Variants in GLG1 observed in about 807,000 individuals in gnomAD.
GLG1 encodes the protein Golgi apparatus protein 1.
GLG1 carries 38 observed loss-of-function variants against 160.5 expected under a neutral mutation model. The observed-to-expected ratio is 0.24, with a 90% CI of 0.18 to 0.31. The LOEUF (loss-of-function observed/expected upper bound fraction) is 0.31, where lower values mean the gene tolerates loss of function less well. Ranked by LOEUF, GLG1 falls within the 10% of genes least tolerant of loss-of-function variation. The probability of loss-of-function intolerance (pLI) is 1.00; values close to 1 mark genes in which losing one functional copy is unlikely to be tolerated. For missense variants in GLG1, 1,373 were observed against 1,505.2 expected (o/e 0.91, Z 1.45); for synonymous variants, 644 against 543.4 (o/e 1.19, Z -2.57).
chr16:74,539,413 G>C (rs545708916), intron 1 of GLG1, among the ~76,000 whole-genome samples: 1 of 151,912 alleles, frequency 6.6e-6, no homozygotes, highest in East Asian at 1.9e-4. Context: ...CATAAATATA[G>C]AACAGTGAGT....
chr16:74,516,860 A>C (rs914828075), intron 2 of GLG1, among the ~76,000 whole-genome samples: 11 of 152,170 alleles, frequency 7.2e-5, no homozygotes, highest in Non-Finnish European at 1.6e-4. Flanking sequence ...ATAAAAAATA[A>C]TAAAGGGGCT....
At chr16:74,584,034 T>G (rs982220959) in intron 1 of GLG1, among the ~76,000 whole-genome samples, 1 of 152,328 alleles carries the variant, frequency 6.6e-6, no homozygotes, top group South Asian at 2.1e-4. Flanking sequence ...GGCCCAAGTC[T>G]GTTTTGAGGT....
At chr16:74,598,616 G>A (rs1457362172) in intron 1 of GLG1, among the ~76,000 whole-genome samples, 1 of 151,934 alleles carries the variant, frequency 6.6e-6, no homozygotes, top group Admixed American at 6.6e-5. Context: ...AATAAGGCCG[G>A]GCGCGGTGGC....
rs781248538 is a variant in GLG1, at chr16:74,606,862, T to C, written c.233A>G (p.Gln78Arg). The C allele has an allele frequency of 3.8e-6, 6 of 1,597,544 alleles. No individual in the cohort carries two copies. Among genetic ancestry groups the C allele is most frequent in the Non-Finnish European group, 4.3e-6 (5 of 1,173,312 alleles). ...QSSQLQQQQQ[Q>R]QQQQQQPQPP... ...CTGAGGCTGCTGTTGCTGTTGCTGC[T>C]GCTGCTGTTGCTGCTGAAGCTGCGA... Residue 78 changes from glutamine (Q) to arginine (R), a missense_variant, in exon 1 of 26, where the codon CAG (glutamine) becomes CGG (arginine). Gln to Arg is a conservative substitution (Grantham distance 43). Coordinates refer to ENST00000422840, the MANE Select transcript of GLG1 (RefSeq NM_001145667.2).
intron 2 of GLG1, among the ~76,000 whole-genome samples, chr16:74,522,620 G>GT (rs2017203977): frequency 1.3e-5 from 2 of 152,072 alleles, no homozygotes; most frequent in South Asian, 4.2e-4. Context: ...ACTGTCAGAC[G>GT]TATGTATTAT....
chr16:74,538,059 C>T (rs903566898), intron 1 of GLG1, among the ~76,000 whole-genome samples: 1 of 151,002 alleles, frequency 6.6e-6, no homozygotes, highest in African/African-American at 2.4e-5. Flanking sequence ...AAATATGGAA[C>T]ATTCTACAGT....
intron 15 of GLG1, among the ~76,000 whole-genome samples, chr16:74,470,476 C>G (rs1444544954): frequency 7.4e-6 from 1 of 134,652 alleles, no homozygotes; most frequent in East Asian, 2.3e-4. Flanking sequence ...TTGACAGAGC[C>G]TCTCTCTTGT....
At position 74,453,144 on chromosome 16, in the gene GLG1, T is replaced by A. The variant is rs1486441720; in HGVS notation, c.*23A>T. On this transcript the variant is annotated 3_prime_UTR_variant, in exon 26 of 26. Coordinates refer to ENST00000422840, the MANE Select transcript of GLG1 (RefSeq NM_001145667.2). ...TACAAACTGGGCACTGGATAGGTAG[T>A]TCCTTTGGTGGTCAAGGTGGCTCTA... 1 of 1,611,496 alleles carries A rather than the reference T, an allele frequency of 6.2e-7. No individual in the cohort carries two copies. The highest frequency in any genetic ancestry group is 2.2e-5 in the East Asian group (1 of 44,860).
At chr16:74,585,882 A>G (rs955680569) in intron 1 of GLG1, among the ~76,000 whole-genome samples, 3 of 151,986 alleles carry the variant, frequency 2.0e-5, no homozygotes, top group Non-Finnish European at 4.4e-5. Context: ...GGCCATTATG[A>G]TAAAACCCTG....
intron 2 of GLG1, among the ~76,000 whole-genome samples, chr16:74,515,128 G>A (rs1306083598): frequency 3.9e-5 from 6 of 152,212 alleles, no homozygotes; most frequent in Admixed American, 3.9e-4. Flanking sequence ...CAATACAGGA[G>A]CACCCAGATT....
intron 5 of GLG1, among the ~76,000 whole-genome samples, chr16:74,495,489 G>T (rs1193981313): frequency 6.6e-6 from 1 of 152,160 alleles, no homozygotes. Flanking sequence ...GGTTAAAGCT[G>T]TTAATGCAAA....
rs1567481229 is a variant in GLG1 at position 74,496,444 on chromosome 16, T to A, written c.975A>T (p.Glu325Asp). The change falls in exon 5 of 26, where the codon GAA becomes GAT. Residue 325 changes from glutamate (E) to aspartate (D), a missense_variant. Coordinates refer to ENST00000422840, the MANE Select transcript of GLG1 (RefSeq NM_001145667.2). ...ACRDDRERFC[E>D]NTQAGEGRVY... ...AACAGTTTCTGAGCTGACTCACATT[T>A]TCACAAAAACGCTCCCGATCATCTC... 5.6e-6 allele frequency: 9 copies of A among 1,608,202 alleles called. No homozygotes were observed. Among genetic ancestry groups the A allele is most frequent in the Non-Finnish European group, 7.7e-6 (9 of 1,174,714 alleles).
At chr16:74,552,387 T>A in intron 1 of GLG1, 2 of 584,470 alleles carry the variant, frequency 3.4e-6, no homozygotes, top group Non-Finnish European at 6.7e-6. Context: ...AACCTTCACA[T>A]CATGAAGGCC....
chr16:74,593,790 T>G (rs1014234282), intron 1 of GLG1, among the ~76,000 whole-genome samples: 1 of 152,180 alleles, frequency 6.6e-6, no homozygotes, highest in Non-Finnish European at 1.5e-5. Context: ...TTAAAACTTG[T>G]ATTTCAATTG....
rs574279809 is a variant in GLG1 at position 74,572,635 on chromosome 16, C to G, written c.438+34022G>C. ...CCTGCCTGGAGAGGGCATAGAAGCT[C>G]CTTGCCCCTTCTCCCATACCTCGCC... On this transcript the variant is annotated intron_variant, in intron 1 of 25. Coordinates refer to ENST00000422840, the MANE Select transcript of GLG1 (RefSeq NM_001145667.2). 6.8e-4 allele frequency among the ~76,000 whole-genome samples: 104 copies of G among 152,320 alleles called. 2 individuals are homozygous for G. In the South Asian group the frequency reaches 0.021, roughly 30 times the overall value.
Position 74,453,160 on chromosome 16 carries a change from G to C in GLG1, c.*7C>G, listed in dbSNP as rs748393784. The C allele has an allele frequency of 3.1e-6, 5 of 1,613,168 alleles. No homozygotes were observed. Among genetic ancestry groups the C allele is most frequent in the Admixed American group, 1.7e-5 (1 of 59,936 alleles). On this transcript the variant is annotated 3_prime_UTR_variant, in exon 26 of 26. Transcript: ENST00000422840. ...GATAGGTAGTTCCTTTGGTGGTCAA[G>C]GTGGCTCTACCTGTCCTTGAGCTCT...
rs1461717102 is a variant in GLG1, at chr16:74,449,362, C to T, written c.*3805G>A. On this transcript the variant is annotated 3_prime_UTR_variant, in exon 26 of 26. Transcript: ENST00000422840. ...CTGGAGGATGGGAGGATAGGAGACA[C>T]TTCCAGAAGCCACACTGACATAAGA... The T allele has an allele frequency of 1.3e-5, 2 of 152,182 alleles. No individual in the cohort carries two copies. Among genetic ancestry groups the T allele is most frequent in the Non-Finnish European group, 2.9e-5 (2 of 68,060 alleles). The allele number at this position is 152,182 out of a possible 1,614,324, so 9.4% of individuals were successfully genotyped here. A position where few individuals can be genotyped will look rare whatever the true frequency, so the allele number is the denominator to read the frequency against.
chr16:74,465,709 G>A lies in GLG1; in HGVS notation c.2634C>T (p.Tyr878=). The A allele has an allele frequency of 1.2e-6, 2 of 1,613,552 alleles. No homozygotes were observed. Among genetic ancestry groups the A allele is most frequent in the Non-Finnish European group, 8.5e-7 (1 of 1,179,482 alleles). Residue 878 remains tyrosine (Y), a synonymous_variant, in exon 19 of 26, where the codon TAC becomes TAT. Transcript: ENST00000422840. The part of the protein sequence containing the change: ...ETEMMDPELD[Y]TLMRVCKQMI... ...TCTGCTTGCAGACCCTCATGAGGGTGTAGTCTAGCTCTGGGTCCATCATCT... is the reference window on the plus strand; with the variant it reads ...TCTGCTTGCAGACCCTCATGAGGGTATAGTCTAGCTCTGGGTCCATCATCT...
intron 1 of GLG1, among the ~76,000 whole-genome samples, chr16:74,591,258 G>A (rs1402804869): frequency 6.6e-6 from 1 of 152,026 alleles, no homozygotes; most frequent in Admixed American, 6.6e-5. Context: ...TTGAACCCGG[G>A]AGGCGGAGGC....
Sources: allele counts gnomAD v4.1 joint callset (sites outside exome capture counted in the v4.1 genomes callset), GRCh38; gene constraint gnomAD v4.1.1; transcripts MANE v1.5; gene names NCBI Gene and HGNC (gene_info 2026-07-23, HGNC 2026-07-21).